The following PCDHA1 variants were observed in gnomAD, a reference collection of about 807,000 sequenced individuals.
PCDHA1 encodes the protein protocadherin alpha-1.
PCDHA1 carries 42 observed loss-of-function variants against 61.3 expected under a neutral mutation model. That is an observed-to-expected ratio of 0.69 (90% CI 0.54 to 0.89). The LOEUF (loss-of-function observed/expected upper bound fraction) is 0.89, where lower values mean the gene tolerates loss of function less well. Among genes scored for constraint, PCDHA1 ranks in the 40% least tolerant of loss-of-function variants. The pLI, the probability that PCDHA1 is intolerant of heterozygous loss-of-function variation, is 0.00. For missense variants in PCDHA1, 1,256 were observed against 1,235.3 expected (o/e 1.02, Z -0.25); for synonymous variants, 610 against 553.8 (o/e 1.10, Z -1.43).
chr5:140,928,643 T>C (rs2085399261), intron 1 of PCDHA1: 7 of 1,614,222 alleles, frequency 4.3e-6, no homozygotes, highest in Non-Finnish European at 5.9e-6. Context: ...ACAAAAGTGG[T>C]AGCAGAGGAT....
chr5:140,902,419 T>C (rs2069442508), intron 1 of PCDHA1, among the ~76,000 whole-genome samples: 1 of 152,118 alleles, frequency 6.6e-6, no homozygotes, highest in Non-Finnish European at 1.5e-5. Flanking sequence ...ATAACAGTGG[T>C]GAAAGTGGGC....
At chr5:140,988,424 G>C (rs1563549055) in intron 3 of PCDHA1, among the ~76,000 whole-genome samples, 1 of 152,158 alleles carries the variant, frequency 6.6e-6, no homozygotes, top group Non-Finnish European at 1.5e-5. Context: ...TAAAGAATTT[G>C]TTTGTTTTGG....
At chr5:140,839,582 G>T (rs965029185) in intron 1 of PCDHA1, among the ~76,000 whole-genome samples, 1 of 151,908 alleles carries the variant, frequency 6.6e-6, no homozygotes, top group Non-Finnish European at 1.5e-5. Context: ...TAGAGATGGG[G>T]TCTTACCATG....
intron 1 of PCDHA1, chr5:140,926,987 G>T: frequency 6.2e-7 from 1 of 1,610,996 alleles, no homozygotes; most frequent in African/African-American, 1.3e-5. Context: ...GAGACGGAGC[G>T]GGGCGTAGCC....
In PCDHA1 at chr5:140,787,230, A is replaced by C; in HGVS notation, c.940A>C (p.Lys314Gln). Residue 314 changes from lysine (K) to glutamine (Q), a missense_variant, in exon 1 of 4, where the codon AAA becomes CAA. Coordinates refer to ENST00000504120, the MANE Select transcript of PCDHA1 (RefSeq NM_018900.4). ...LIDKLDYEET[K>Q]SYEIQVKAVD... The stretch of plus-strand genomic sequence containing the variant: ...TGATAAACTGGATTATGAAGAAACA[A>C]AATCCTACGAAATTCAAGTAAAGGC... 6.2e-7 allele frequency: 1 copy of C among 1,614,170 alleles called. No homozygotes were observed. The highest frequency in any genetic ancestry group is 8.5e-7 in the Non-Finnish European group (1 of 1,180,008).
intron 3 of PCDHA1, among the ~76,000 whole-genome samples, chr5:140,984,079 G>A (rs1554245959): frequency 2.0e-5 from 3 of 152,244 alleles, no homozygotes; most frequent in Admixed American, 2.0e-4. Context: ...CAACGATGGA[G>A]TGAAGAAATG....
chr5:140,911,907 C>T (rs926309943), intron 1 of PCDHA1, among the ~76,000 whole-genome samples: 2 of 152,110 alleles, frequency 1.3e-5, no homozygotes, highest in Admixed American at 6.6e-5. Flanking sequence ...AGTCAGAGCT[C>T]TCTAGAGGAC....
At chr5:140,875,743 G>A (rs782705899) in intron 1 of PCDHA1, 7 of 1,614,108 alleles carry the variant, frequency 4.3e-6, no homozygotes, top group Non-Finnish European at 5.1e-6. Context: ...TTCTCGGATC[G>A]ACCGCGAGAA....
At chr5:140,965,838 T>C (rs1486782697) in intron 1 of PCDHA1, among the ~76,000 whole-genome samples, 5 of 152,204 alleles carry the variant, frequency 3.3e-5, no homozygotes, top group African/African-American at 1.2e-4. Flanking sequence ...ATATTGGTTA[T>C]TTGCCAAGGC....
At chr5:140,829,255 G>T (rs2150164788) in intron 1 of PCDHA1, 6 of 1,614,078 alleles carry the variant, frequency 3.7e-6, no homozygotes, top group Non-Finnish European at 4.2e-6. Flanking sequence ...TGAACTGCTC[G>T]CTGACGCCTC....
chr5:140,906,877 A>G (rs1361751716), intron 1 of PCDHA1, among the ~76,000 whole-genome samples: 1 of 152,122 alleles, frequency 6.6e-6, no homozygotes, highest in Non-Finnish European at 1.5e-5. Context: ...CAACACTGTA[A>G]CTTCCTTCTT....
chr5:140,921,124 G>A (rs1017756296), intron 1 of PCDHA1, among the ~76,000 whole-genome samples: 1 of 146,978 alleles, frequency 6.8e-6, no homozygotes, highest in Non-Finnish European at 1.5e-5. Flanking sequence ...AGGACTACAG[G>A]TGCACACCAC....
rs567582281 is a variant in PCDHA1 at position 140,946,595 on chromosome 5, G to C, written c.2395-32354G>C. ...CTTAGGTGTTCATAGTGGATGAATA[G>C]ATAAAGAAAATGTGAAATATATATA... On this transcript the variant is annotated intron_variant, in intron 1 of 3. Transcript: ENST00000504120. Among the ~76,000 whole-genome samples, 13 of 108,580 alleles carry C rather than the reference G, an allele frequency of 1.2e-4. No homozygotes were observed. In the South Asian group the frequency reaches 1.5e-3, roughly 12 times the overall value. 71.2% of individuals were successfully genotyped at this position (108,580 alleles called of 152,430 possible).
chr5:140,818,485 C>T (rs186981491), intron 1 of PCDHA1, among the ~76,000 whole-genome samples: 1 of 152,328 alleles, frequency 6.6e-6, no homozygotes, highest in Non-Finnish European at 1.5e-5. Context: ...TTTTCACTCA[C>T]TTGATCTTGG....
intron 1 of PCDHA1, among the ~76,000 whole-genome samples, chr5:140,912,788 A>G (rs1467959281): frequency 6.6e-6 from 1 of 152,104 alleles, no homozygotes; most frequent in East Asian, 1.9e-4. Context: ...CTTCTATGCC[A>G]ATTTTCTTGA....
intron 1 of PCDHA1, chr5:140,841,254 A>T: frequency 6.6e-7 from 1 of 1,510,716 alleles, no homozygotes. Flanking sequence ...GGATTAAAAG[A>T]CTCTGAAAGT....
chr5:140,834,153 T>C, intron 1 of PCDHA1: 1 of 535,142 alleles, frequency 1.9e-6, no homozygotes, highest in East Asian at 3.0e-5. Context: ...TTGTAATGGT[T>C]TGTAATTCTT....
In PCDHA1 at chr5:140,857,593, G is replaced by C. The variant is rs782606088; in HGVS notation, c.2394+68909G>C. ...TGTCGGTGCACGCGGAGAGCGGCAAGGTGTACGCGCTGCAGCCGCTGGACC... is the reference window on the plus strand; with the variant it reads ...TGTCGGTGCACGCGGAGAGCGGCAACGTGTACGCGCTGCAGCCGCTGGACC... On this transcript the variant is annotated intron_variant, in intron 1 of 3. Coordinates refer to ENST00000504120, the MANE Select transcript of PCDHA1 (RefSeq NM_018900.4). 2.5e-6 allele frequency: 4 copies of C among 1,596,536 alleles called. No individual in the cohort carries two copies. The East Asian group carries it at 6.7e-5, about 27-fold the overall frequency.
At chr5:140,955,522 C>A (rs1467341493) in intron 1 of PCDHA1, among the ~76,000 whole-genome samples, 5 of 152,180 alleles carry the variant, frequency 3.3e-5, no homozygotes, top group African/African-American at 1.2e-4. Context: ...GCTTTCCCTT[C>A]CACCATGATT....
Sources: gnomAD v4.1 joint callset for allele counts (sites outside exome capture counted in the v4.1 genomes callset) on GRCh38, gnomAD v4.1.1 for gene constraint, MANE v1.5 for transcripts, NCBI Gene and HGNC (gene_info 2026-07-23, HGNC 2026-07-21) for gene names.